The following MCM8 variants were observed in gnomAD, a reference collection of about 807,000 sequenced individuals.
MCM8 encodes minichromosome maintenance 8 homologous recombination repair factor, also known as DNA helicase MCM8.
In MCM8, 85 loss-of-function variants were observed where a neutral mutation model predicts 98.9. The observed-to-expected ratio is 0.86, with a 90% CI of 0.72 to 1.03. MCM8 has a LOEUF of 1.03. MCM8 is among the 50% of genes least tolerant of loss of function. The pLI, the probability that MCM8 is intolerant of heterozygous loss-of-function variation, is 0.00. For missense variants in MCM8, 951 were observed against 997.8 expected (o/e 0.95, Z 0.63); for synonymous variants, 352 against 338.6 (o/e 1.04, Z -0.44).
rs933090080 is a variant in MCM8, at chr20:5,995,473, A to G, written c.*1082A>G. On this transcript the variant is annotated 3_prime_UTR_variant, in exon 19 of 19. Transcript: ENST00000610722. ...GAAAGTGCTGCTGCCTCCCTGCCCCACCTTTGCCACTTCTGCAGCAGGAAT... is the reference window on the plus strand; with the variant it reads ...GAAAGTGCTGCTGCCTCCCTGCCCCGCCTTTGCCACTTCTGCAGCAGGAAT... 1.3e-5 allele frequency: 2 copies of G among 152,176 alleles called. No homozygotes were observed. The highest frequency in any genetic ancestry group is 2.9e-5 in the Non-Finnish European group (2 of 68,050). The allele number at this position is 152,176 out of a possible 1,614,324, so 9.4% of individuals were successfully genotyped here.
chr20:5,980,873 CAAAA>C (rs36027696), intron 13 of MCM8, among the ~76,000 whole-genome samples: 5 of 87,922 alleles, frequency 5.7e-5, no homozygotes, highest in Non-Finnish European at 8.2e-5. Context: ...CTCTGTCTCT[CAAAA>C]AAAAAAAAAA....
At chr20:5,989,120 C>CTTTTTTTCTT (rs2089792741) in intron 17 of MCM8, among the ~76,000 whole-genome samples, 1 of 120,346 alleles carries the variant, frequency 8.3e-6, no homozygotes, top group Non-Finnish European at 1.6e-5. Flanking sequence ...TAGCGCAAGT[C>CTTTTTTTCTT]TTTTTTTTTT....
Position 5,978,028 on chromosome 20 carries a change from A to G in MCM8, c.1537+11A>G. The stretch of plus-strand genomic sequence containing the variant: ...TACTTGGTGATCAAGGTGAGAGGCC[A>G]AAGGGAATAATTAGTGATTCTGGGA... On this transcript the variant is annotated intron_variant, in intron 13 of 18. Coordinates refer to ENST00000610722, the MANE Select transcript of MCM8 (RefSeq NM_032485.6). 2 of 1,614,008 alleles carry G rather than the reference A, an allele frequency of 1.2e-6. No individual in the cohort carries two copies. Among genetic ancestry groups the G allele is most frequent in the Non-Finnish European group, 1.7e-6 (2 of 1,179,958 alleles).
chr20:5,951,671 A>C (rs1184993944), intron 1 of MCM8, among the ~76,000 whole-genome samples: 2 of 152,232 alleles, frequency 1.3e-5, no homozygotes, highest in East Asian at 3.8e-4. Flanking sequence ...ACTGCAAATA[A>C]GTTTTCATAG....
At chr20:5,953,120 A>G (rs1439149045) in intron 3 of MCM8, among the ~76,000 whole-genome samples, 1 of 152,210 alleles carries the variant, frequency 6.6e-6, no homozygotes, top group Admixed American at 6.5e-5. Context: ...AGATGCTGAA[A>G]AGAGTTGGAA....
intron 5 of MCM8, among the ~76,000 whole-genome samples, chr20:5,955,475 C>T (rs1401614490): frequency 3.3e-5 from 5 of 151,928 alleles, no homozygotes; most frequent in Admixed American, 3.3e-4. Flanking sequence ...GAAATATTTA[C>T]CTCCAACTTA....
intron 5 of MCM8, 103 bp from the exon 6 acceptor site, chr20:5,957,023 T>C (rs191319311): frequency 1.6e-4 from 93 of 577,950 alleles, no homozygotes; most frequent in African/African-American, 1.6e-3. Context: ...TCTGTTTTTA[T>C]TCTGTTTCTG....
chr20:5,984,892 A>C lies in MCM8; in HGVS notation c.1845A>C (p.Gly615=), dbSNP rs773451829. The C allele has an allele frequency of 6.2e-7, 1 of 1,614,162 alleles. No individual in the cohort carries two copies. The highest frequency in any genetic ancestry group is 8.5e-7 in the Non-Finnish European group (1 of 1,180,012). Residue 615 remains glycine, a synonymous_variant, in exon 15 of 19, where the codon GGA becomes GGC. Transcript: ENST00000610722. The stretch of plus-strand genomic sequence containing the variant: ...AACATGTGATTGCAATAAGAGCTGG[A>C]AAGCAGAGAACCATTAGCAGTGCCA... ...LSEHVIAIRA[G]KQRTISSATV... is the part of the protein sequence containing the mutation.
intron 6 of MCM8, 45 bp downstream of exon 6, chr20:5,957,274 G>T (rs773458929): frequency 1.4e-6 from 2 of 1,426,672 alleles, no homozygotes; most frequent in Non-Finnish European, 1.9e-6. Context: ...ATGGGACATT[G>T]AAGGCCATTT....
At chr20:5,982,200 C>T (rs758009314) in intron 13 of MCM8, among the ~76,000 whole-genome samples, 15 of 152,152 alleles carry the variant, frequency 9.9e-5, no homozygotes, top group Non-Finnish European at 2.1e-4. Context: ...GTCTTCCCTG[C>T]TCCCCATACC....
chr20:5,970,621 T>C (rs966714948), intron 10 of MCM8, among the ~76,000 whole-genome samples: 17 of 152,104 alleles, frequency 1.1e-4, no homozygotes, highest in African/African-American at 3.9e-4. Context: ...CAGATGCCAG[T>C]AGGAAGCCGG....
rs754721978 is a variant in MCM8 at position 5,958,760 on chromosome 20, T to C, written c.789+34T>C. ...TTCTTTAACTGCTTCTTTATTTATC[T>C]TGGTAAAGAAGGCAAATCAGAATAC... On this transcript the variant is annotated intron_variant, in intron 7 of 18. Coordinates refer to ENST00000610722, the MANE Select transcript of MCM8 (RefSeq NM_032485.6). 4.4e-6 allele frequency: 7 copies of C among 1,588,600 alleles called. No homozygotes were observed. In the South Asian group the frequency reaches 6.7e-5, roughly 15 times the overall value.
At chr20:5,990,454 A>G (rs973369417) in intron 17 of MCM8, among the ~76,000 whole-genome samples, 1 of 152,026 alleles carries the variant, frequency 6.6e-6, no homozygotes, top group East Asian at 1.9e-4. Flanking sequence ...GTAGCTGAAA[A>G]TTTTACCAAC....
chr20:5,978,414 C>A (rs1280883792), intron 13 of MCM8, among the ~76,000 whole-genome samples: 1 of 152,094 alleles, frequency 6.6e-6, no homozygotes, highest in African/African-American at 2.4e-5. Flanking sequence ...GTTCCCATTG[C>A]CTAGTACATA....
chr20:5,953,574 C>T (rs912782218), intron 3 of MCM8, among the ~76,000 whole-genome samples: 2 of 151,794 alleles, frequency 1.3e-5, no homozygotes, highest in Non-Finnish European at 2.9e-5. Flanking sequence ...CCCAGGTTCA[C>T]GCCATTCTCC....
intron 12 of MCM8, 135 bp downstream of exon 12, chr20:5,973,331 G>C (rs2089444166): frequency 9.1e-7 from 1 of 1,094,904 alleles, no homozygotes; most frequent in Non-Finnish European, 1.3e-6. Flanking sequence ...ATTGGAATTT[G>C]TGTGAGTAAT....
chr20:5,979,644 T>C (rs2089590343), intron 13 of MCM8, among the ~76,000 whole-genome samples: 1 of 152,224 alleles, frequency 6.6e-6, no homozygotes, highest in African/African-American at 2.4e-5. Context: ...TCTTGTTGGC[T>C]GTACCATCAA....
intron 12 of MCM8, 127 bp from the exon 13 acceptor site, chr20:5,977,748 TG>T: frequency 1.1e-6 from 1 of 902,724 alleles, no homozygotes; most frequent in Non-Finnish European, 1.6e-6. Flanking sequence ...CTGCTGGTGA[TG>T]GTGCACCTTG....
chr20:5,978,890 A>G (rs1430931647), intron 13 of MCM8, among the ~76,000 whole-genome samples: 1 of 152,184 alleles, frequency 6.6e-6, no homozygotes, highest in Non-Finnish European at 1.5e-5. Context: ...GTTTTGCCGT[A>G]TTGTAACTGA....
Sources: gnomAD v4.1 joint callset for allele counts (sites outside exome capture counted in the v4.1 genomes callset) on GRCh38, gnomAD v4.1.1 for gene constraint, MANE v1.5 for transcripts, NCBI Gene and HGNC (gene_info 2026-07-23, HGNC 2026-07-21) for gene names.